ARHGEF26: variants seen among roughly 807,000 people sequenced by gnomAD.
ARHGEF26 encodes Rho guanine nucleotide exchange factor (GEF) 26.
Under a neutral mutation model 89.4 loss-of-function variants are expected in ARHGEF26, and 59 were observed. The ratio of observed to expected loss-of-function variants is 0.66; its 90% CI spans 0.54 to 0.82. The LOEUF is 0.82. ARHGEF26 is among the 40% of genes least tolerant of loss of function. The pLI is 0.00. For missense variants in ARHGEF26, 1,234 were observed against 1,085.6 expected (o/e 1.14, Z -1.92); for synonymous variants, 500 against 428.4 (o/e 1.17, Z -2.06).
chr3:154,125,567 C>G (rs909788633), intron 3 of ARHGEF26, among the ~76,000 whole-genome samples: 3 of 152,164 alleles, frequency 2.0e-5, no homozygotes, highest in Admixed American at 2.0e-4. Flanking sequence ...ATGAAGTGAA[C>G]AGCATCTACC....
chr3:154,238,483 CAA>C (rs762046952), intron 11 of ARHGEF26, among the ~76,000 whole-genome samples: 3 of 152,112 alleles, frequency 2.0e-5, no homozygotes, highest in African/African-American at 4.8e-5. Context: ...AGGAGCATGA[CAA>C]AAGAGTGGTT....
intron 10 of ARHGEF26, among the ~76,000 whole-genome samples, chr3:154,221,799 G>A (rs1716146717): frequency 6.6e-6 from 1 of 152,200 alleles, no homozygotes; most frequent in African/African-American, 2.4e-5. Context: ...ACCCGTGAGG[G>A]GCAGTGGTCA....
chr3:154,219,648 A>G (rs1576795037), intron 10 of ARHGEF26, among the ~76,000 whole-genome samples: 1 of 151,956 alleles, frequency 6.6e-6, no homozygotes, highest in Non-Finnish European at 1.5e-5. Context: ...ATTAATTTGT[A>G]ATTGAAAAAT....
At chr3:154,230,854 A>G (rs1193170922) in intron 11 of ARHGEF26, among the ~76,000 whole-genome samples, 4 of 152,196 alleles carry the variant, frequency 2.6e-5, no homozygotes, top group African/African-American at 9.6e-5. Context: ...GGTCATTATC[A>G]TAAGGTCAAG....
intron 6 of ARHGEF26, among the ~76,000 whole-genome samples, chr3:154,163,966 C>T (rs1240238209): frequency 1.3e-5 from 2 of 152,076 alleles, no homozygotes; most frequent in African/African-American, 4.8e-5. Context: ...ATAACATACA[C>T]TACCCTCCTT....
chr3:154,124,529 C>A, intron 3 of ARHGEF26, 80 bp downstream of exon 3: 1 of 1,236,806 alleles, frequency 8.1e-7, no homozygotes, highest in Non-Finnish European at 1.1e-6. Context: ...ACTGCAGTAA[C>A]AAAAATGCTT....
At chr3:154,235,528 A>G (rs1039364022) in intron 11 of ARHGEF26, among the ~76,000 whole-genome samples, 1 of 152,194 alleles carries the variant, frequency 6.6e-6, no homozygotes, top group Non-Finnish European at 1.5e-5. Context: ...AGAGGGCAGA[A>G]AAGACATTCC....
chr3:154,250,313 C>T lies in ARHGEF26; in HGVS notation c.2301-2803C>T, dbSNP rs151232120. On this transcript the variant is annotated intron_variant, in intron 12 of 14. Coordinates refer to ENST00000465093, the MANE Select transcript of ARHGEF26 (RefSeq NM_015595.4). The stretch of plus-strand genomic sequence containing the variant: ...AAGTGCTGGGATTACAAGTGTGAGC[C>T]GCCCCGCCCGGCCTCTTGGCAGACT... Among the ~76,000 whole-genome samples the T allele has an allele frequency of 6.3e-3, 960 of 152,238 alleles. 43 individuals are homozygous for T. The East Asian group carries it at 0.12, about 18-fold the overall frequency.
At chr3:154,135,008 A>T (rs1718916515) in intron 4 of ARHGEF26, among the ~76,000 whole-genome samples, 1 of 152,054 alleles carries the variant, frequency 6.6e-6, no homozygotes, top group Admixed American at 6.6e-5. Context: ...TTTTGCATGG[A>T]TGTTCATTAA....
intron 9 of ARHGEF26, among the ~76,000 whole-genome samples, chr3:154,212,149 G>A (rs558492257): frequency 6.6e-6 from 1 of 152,046 alleles, no homozygotes; most frequent in Admixed American, 6.6e-5. Flanking sequence ...GACCAGCCTG[G>A]GCAACATAGT....
intron 9 of ARHGEF26, among the ~76,000 whole-genome samples, chr3:154,201,889 A>G (rs1714666728): frequency 1.3e-5 from 2 of 151,662 alleles, no homozygotes; most frequent in Non-Finnish European, 3.0e-5. Context: ...AGTTCATTGT[A>G]GATTCTGGAT....
rs563845033 is a variant in ARHGEF26 at position 154,191,510 on chromosome 3, C to G, written c.1770+92C>G. On this transcript the variant is annotated intron_variant, in intron 8 of 14. Coordinates refer to ENST00000465093, the MANE Select transcript of ARHGEF26 (RefSeq NM_015595.4). ...TATTATTATTCCACTTAAATTGATG[C>G]ATATTTAAAGGTCTAAAAATCCCCC... The G allele has an allele frequency of 6.5e-5, 94 of 1,440,856 alleles. 1 individual carries two copies. The South Asian group carries it at 1.3e-3, about 20-fold the overall frequency. The allele number at this position is 1,440,856 out of a possible 1,614,324, so 89.3% of individuals were successfully genotyped here.
intron 4 of ARHGEF26, among the ~76,000 whole-genome samples, chr3:154,131,496 G>T (rs1191143727): frequency 6.6e-6 from 1 of 152,206 alleles, no homozygotes. Context: ...CTAATCTAAT[G>T]ATCTCATGAT....
chr3:154,240,652 C>T, intron 12 of ARHGEF26, 73 bp downstream of exon 12: 3 of 1,384,192 alleles, frequency 2.2e-6, no homozygotes, highest in Non-Finnish European at 2.9e-6. Flanking sequence ...GGTTTACAGA[C>T]TTCCTAAAAA....
intron 4 of ARHGEF26, among the ~76,000 whole-genome samples, chr3:154,130,085 A>G (rs896158081): frequency 8.7e-5 from 13 of 150,000 alleles, no homozygotes; most frequent in East Asian, 7.9e-4. Context: ...ATGTACATGT[A>G]TGTATGTACC....
chr3:154,182,317 G>A (rs546910229), intron 6 of ARHGEF26, among the ~76,000 whole-genome samples: 1 of 152,136 alleles, frequency 6.6e-6, no homozygotes, highest in Non-Finnish European at 1.5e-5. Flanking sequence ...TCTGATGCAT[G>A]AAGGATGAGT....
intron 2 of ARHGEF26, among the ~76,000 whole-genome samples, chr3:154,123,451 C>CCCA (rs1718124971): frequency 6.6e-6 from 1 of 152,108 alleles, no homozygotes; most frequent in Non-Finnish European, 1.5e-5. Context: ...CTGGAGTTTG[C>CCCA]TTAGAGGTTT....
intron 6 of ARHGEF26, 118 bp downstream of exon 6, chr3:154,153,050 T>C (rs1246239200): frequency 3.3e-6 from 3 of 922,006 alleles, no homozygotes; most frequent in Non-Finnish European, 4.5e-6. Flanking sequence ...GGCTTTTGTC[T>C]TGATTCCTTG....
rs761503244 is a variant in ARHGEF26 at position 154,152,795 on chromosome 3, T to C, written c.1350T>C (p.Ser450=). Residue 450 remains serine (S), a synonymous_variant, in exon 6 of 15, where the codon TCT becomes TCC. Transcript: ENST00000465093. ...AGGCTATCTTTGAAGTCATATCCTC[T>C]GAACATTCATATTTACTCAGCTTGG... ...RQEAIFEVIS[S]EHSYLLSLEI... 8 of 1,548,728 alleles carry C rather than the reference T, an allele frequency of 5.2e-6. No individual in the cohort carries two copies. The highest frequency in any genetic ancestry group is 1.7e-4 in the Middle Eastern group (1 of 5,962).
Sources: gnomAD v4.1 joint callset for allele counts (sites outside exome capture counted in the v4.1 genomes callset) on GRCh38, gnomAD v4.1.1 for gene constraint, MANE v1.5 for transcripts, NCBI Gene and HGNC (gene_info 2026-07-23, HGNC 2026-07-21) for gene names.